Variants in SH3PXD2A observed in about 807,000 individuals in gnomAD.
SH3PXD2A encodes SH3 and PX domain-containing protein 2A.
SH3PXD2A carries 32 observed loss-of-function variants against 115.2 expected under a neutral mutation model. That is an observed-to-expected ratio of 0.28 (90% confidence interval 0.21 to 0.37). The LOEUF (loss-of-function observed/expected upper bound fraction) is 0.37, where lower values mean the gene tolerates loss of function less well. Among genes scored for constraint, SH3PXD2A ranks in the 10% least tolerant of loss-of-function variants. The probability of loss-of-function intolerance (pLI) is 1.00; values close to 1 mark genes in which losing one functional copy is unlikely to be tolerated. For missense variants in SH3PXD2A, 1,328 were observed against 1,498.7 expected (o/e 0.89, Z 1.88); for synonymous variants, 610 against 629.1 (o/e 0.97, Z 0.45).
intron 6 of SH3PXD2A, among the ~76,000 whole-genome samples, chr10:103,689,122 C>G (rs1411621241): frequency 6.6e-6 from 1 of 152,102 alleles, no homozygotes; most frequent in African/African-American, 2.4e-5. Flanking sequence ...GATCTTCTTG[C>G]CTTGGCCTCC....
chr10:103,695,846 C>T (rs2037818418), intron 5 of SH3PXD2A, among the ~76,000 whole-genome samples: 3 of 152,222 alleles, frequency 2.0e-5, no homozygotes, highest in Non-Finnish European at 1.5e-5. Flanking sequence ...GTCCTTCAGC[C>T]AGAGTTCAGA....
At chr10:103,811,663 T>G (rs1214342229) in intron 1 of SH3PXD2A, among the ~76,000 whole-genome samples, 1 of 152,216 alleles carries the variant, frequency 6.6e-6, no homozygotes, top group Non-Finnish European at 1.5e-5. Flanking sequence ...AAGATTTGCC[T>G]TGGTGGCTCA....
chr10:103,828,544 C>G (rs1026377709), intron 1 of SH3PXD2A, among the ~76,000 whole-genome samples: 2 of 152,210 alleles, frequency 1.3e-5, no homozygotes, highest in African/African-American at 4.8e-5. Context: ...TCAGGCTTCA[C>G]AAGCTCTACC....
intron 5 of SH3PXD2A, among the ~76,000 whole-genome samples, chr10:103,706,724 C>A (rs1005847002): frequency 6.6e-6 from 1 of 152,156 alleles, no homozygotes; most frequent in East Asian, 1.9e-4. Context: ...CTGCTAACAC[C>A]ATCCCGAGCA....
At chr10:103,625,479 G>T (rs1041724557) in intron 9 of SH3PXD2A, among the ~76,000 whole-genome samples, 2 of 152,240 alleles carry the variant, frequency 1.3e-5, no homozygotes, top group African/African-American at 2.4e-5. Context: ...GAAGGATGGG[G>T]ATGGCCATAG....
intron 12 of SH3PXD2A, 90 bp from the exon 13 acceptor site, chr10:103,611,720 A>T: frequency 1.0e-6 from 1 of 987,368 alleles, no homozygotes; most frequent in East Asian, 2.4e-5. Flanking sequence ...CTAACTCCTG[A>T]TCCTTCAAGT....
chr10:103,606,432 T>TA (rs533450822), intron 13 of SH3PXD2A, among the ~76,000 whole-genome samples: 128 of 8,150 alleles, frequency 0.016, 4 homozygotes, highest in East Asian at 0.022. Context: ...AAGAATTTGC[T>TA]AAAAAAAAAA....
intron 3 of SH3PXD2A, among the ~76,000 whole-genome samples, chr10:103,745,628 G>A (rs930006059): frequency 2.6e-5 from 4 of 152,174 alleles, no homozygotes; most frequent in African/African-American, 9.7e-5. Context: ...GGGGTGGGGT[G>A]GGCCCTGCCT....
chr10:103,753,470 T>C (rs2134207901), intron 3 of SH3PXD2A, among the ~76,000 whole-genome samples: 1 of 130,490 alleles, frequency 7.7e-6, no homozygotes, highest in South Asian at 2.4e-4. Context: ...CACTCCAGCC[T>C]GGACAACAGA....
chr10:103,639,749 G>T (rs1419399864), intron 8 of SH3PXD2A, among the ~76,000 whole-genome samples: 1 of 151,898 alleles, frequency 6.6e-6, no homozygotes, highest in Non-Finnish European at 1.5e-5. Flanking sequence ...TCCTAAACAT[G>T]AGGCGCTCAG....
chr10:103,724,204 C>G, intron 5 of SH3PXD2A, 66 bp downstream of exon 5: 1 of 799,902 alleles, frequency 1.3e-6, no homozygotes, highest in Non-Finnish European at 1.9e-6. Flanking sequence ...CTCAGCCTCC[C>G]CAGGCTGGCC....
chr10:103,736,485 T>C (rs918115282), intron 3 of SH3PXD2A, among the ~76,000 whole-genome samples: 3 of 152,236 alleles, frequency 2.0e-5, no homozygotes, highest in African/African-American at 7.2e-5. Context: ...TCATAACAAA[T>C]GCATCAAGAC....
intron 1 of SH3PXD2A, among the ~76,000 whole-genome samples, chr10:103,813,479 G>T (rs2039292695): frequency 6.6e-6 from 1 of 152,046 alleles, no homozygotes; most frequent in South Asian, 2.1e-4. Flanking sequence ...ACCATGCTTG[G>T]ATAATTTTTT....
intron 8 of SH3PXD2A, among the ~76,000 whole-genome samples, chr10:103,643,381 GTTTAT>G (rs2036984131): frequency 6.6e-6 from 1 of 152,184 alleles, no homozygotes; most frequent in Non-Finnish European, 1.5e-5. Flanking sequence ...ATCTTAGTGT[GTTTAT>G]TTAAGTTGAC....
intron 3 of SH3PXD2A, among the ~76,000 whole-genome samples, chr10:103,751,090 A>G (rs2038573229): frequency 1.3e-5 from 2 of 152,252 alleles, no homozygotes; most frequent in South Asian, 4.1e-4. Context: ...ATGAATGAGG[A>G]TAATAAGGGA....
At chr10:103,854,457 A>G (rs557659226) in intron 1 of SH3PXD2A, among the ~76,000 whole-genome samples, 1 of 152,028 alleles carries the variant, frequency 6.6e-6, no homozygotes, top group South Asian at 2.1e-4. Flanking sequence ...GTCAACCTTA[A>G]CCCCTTCTCA....
At chr10:103,656,828 CA>C (rs10692439) in intron 8 of SH3PXD2A, among the ~76,000 whole-genome samples, 198 of 111,824 alleles carry the variant, frequency 1.8e-3, no homozygotes, top group Middle Eastern at 8.9e-3. Context: ...AACTCCATCT[CA>C]AAAAAAAAAA....
intron 2 of SH3PXD2A, among the ~76,000 whole-genome samples, chr10:103,791,637 G>T (rs535209379): frequency 6.6e-6 from 1 of 151,972 alleles, no homozygotes; most frequent in East Asian, 2.0e-4. Context: ...TCTCCTAGAT[G>T]CTCTATCCCC....
chr10:103,806,570 T>C (rs1362440762), intron 1 of SH3PXD2A, among the ~76,000 whole-genome samples: 3 of 152,142 alleles, frequency 2.0e-5, no homozygotes, highest in East Asian at 1.9e-4. Flanking sequence ...GGGGCCCAGA[T>C]AGACTCTCCT....
Sources: allele counts gnomAD v4.1 joint callset (sites outside exome capture counted in the v4.1 genomes callset), GRCh38; gene constraint gnomAD v4.1.1; transcripts MANE v1.5; gene names NCBI Gene and HGNC (gene_info 2026-07-23, HGNC 2026-07-21).